Variants in CXCL11 observed in about 807,000 individuals in gnomAD.
CXCL11 encodes the protein C-X-C motif chemokine ligand 11, also known as C-X-C motif chemokine 11.
CXCL11 carries 7 observed loss-of-function variants against 9.7 expected under a neutral mutation model. The observed-to-expected ratio is 0.72, with a 90% CI of 0.41 to 1.36. The LOEUF (loss-of-function observed/expected upper bound fraction) is 1.36, where lower values mean the gene tolerates loss of function less well. CXCL11 is among the 40% of genes most tolerant of loss of function. The probability of loss-of-function intolerance (pLI) is 0.01; values close to 1 mark genes in which losing one functional copy is unlikely to be tolerated. For synonymous variants in CXCL11, 35 were observed against 34.4 expected (o/e 1.02, Z -0.06); for missense variants, 107 against 113.4 (o/e 0.94, Z 0.26).
intron 3 of CXCL11, 99 bp from the exon 4 acceptor site, chr4:76,034,915 A>G: frequency 2.2e-6 from 3 of 1,345,608 alleles, no homozygotes; most frequent in Non-Finnish European, 3.2e-6. Context: ...GTTACAACCA[A>G]GGACCCCTTA....
In CXCL11 at chr4:76,034,179, C is replaced by G; in HGVS notation, c.*614G>C. On this transcript the variant is annotated 3_prime_UTR_variant, in exon 4 of 4. Transcript: ENST00000306621. ...AACCAAATGATGCATAAGAATGTCT[C>G]CCTACATATTGATGTGCTACATGAT... is the stretch of plus-strand genomic sequence containing the variant. 2.9e-6 allele frequency: 1 copy of G among 345,942 alleles called. No individual in the cohort carries two copies. Among genetic ancestry groups the G allele is most frequent in the Non-Finnish European group, 5.2e-6 (1 of 193,870 alleles). 21.4% of individuals were successfully genotyped at this position (345,942 alleles called of 1,614,324 possible). A position where few individuals can be genotyped will look rare whatever the true frequency, so the allele number is the denominator to read the frequency against.
intron 1 of CXCL11, 26 bp downstream of exon 1, chr4:76,035,901 G>C (rs750416577): frequency 6.2e-7 from 1 of 1,601,182 alleles, no homozygotes; most frequent in Admixed American, 1.7e-5. Context: ...GAACTTATAG[G>C]TTGAGAAATA....
chr4:76,034,253 T>C lies in CXCL11; in HGVS notation c.*540A>G, dbSNP rs10017431. On this transcript the variant is annotated 3_prime_UTR_variant, in exon 4 of 4. Coordinates refer to ENST00000306621, the MANE Select transcript of CXCL11 (RefSeq NM_005409.5). ...TGCATGAAAAAATGTTTGAGGAATG[T>C]TTTACGACACATAGATGCTTTTGAC... 233,743 of 393,672 alleles carry C rather than the reference T, an allele frequency of 0.59. 72,588 individuals are homozygous for C. The highest frequency in any genetic ancestry group is 0.93 in the East Asian group (25,846 of 27,814). 24.4% of individuals were successfully genotyped at this position (393,672 alleles called of 1,614,324 possible). A position where few individuals can be genotyped will look rare whatever the true frequency, so the allele number is the denominator to read the frequency against.
In CXCL11 at chr4:76,035,315, C is replaced by T; in HGVS notation, c.89G>A (p.Cys30Tyr). ...QGFPMFKRGR[C>Y]LCIGPGVKAV... Reference sequence around the variant, plus strand: ...TTTTACCCCAGGGCCTATGCAAAGACAGCGTCCTCTTTTGAACATGGGGAA... The same window carrying T: ...TTTTACCCCAGGGCCTATGCAAAGATAGCGTCCTCTTTTGAACATGGGGAA... The change falls in exon 2 of 4, where the codon TGT (cysteine) becomes TAT (tyrosine). Residue 30 changes from cysteine to tyrosine, a missense_variant. Physicochemically the swap from Cys to Tyr is radical, Grantham distance 194. Coordinates refer to ENST00000306621, the MANE Select transcript of CXCL11 (RefSeq NM_005409.5). 1 of 1,614,030 alleles carries T rather than the reference C, an allele frequency of 6.2e-7. No homozygotes were observed.
intron 3 of CXCL11, 55 bp from the exon 4 acceptor site, chr4:76,034,871 G>T: frequency 6.7e-7 from 1 of 1,499,810 alleles, no homozygotes; most frequent in Non-Finnish European, 9.2e-7. Context: ...TTTCCCCCAG[G>T]ACATCTAAAA....
chr4:76,036,028 T>A lies in CXCL11; in HGVS notation c.-41A>T. 2 of 1,591,574 alleles carry A rather than the reference T, an allele frequency of 1.3e-6. No homozygotes were observed. Among genetic ancestry groups the A allele is most frequent in the Non-Finnish European group, 1.7e-6 (2 of 1,161,560 alleles). On this transcript the variant is annotated 5_prime_UTR_variant, in exon 1 of 4. It adds an upstream start codon to the 5' untranslated region. Coordinates refer to ENST00000306621, the MANE Select transcript of CXCL11 (RefSeq NM_005409.5). ...TTGCTGCTGGTGCTGCTGCTGCTACTTCAGCTTTGCTGCTCTTCTTGGAAG... is the reference window on the plus strand; with the variant it reads ...TTGCTGCTGGTGCTGCTGCTGCTACATCAGCTTTGCTGCTCTTCTTGGAAG...
Position 76,034,626 on chromosome 4 carries a change from C to T in CXCL11, c.*167G>A. Reference sequence around the variant, plus strand: ...ACTGTATTTCTGTTTTTGGTCCTTTCACCCACCTTTCATCCTTCACATAAC... The same window carrying T: ...ACTGTATTTCTGTTTTTGGTCCTTTTACCCACCTTTCATCCTTCACATAAC... On this transcript the variant is annotated 3_prime_UTR_variant, in exon 4 of 4. Coordinates refer to ENST00000306621, the MANE Select transcript of CXCL11 (RefSeq NM_005409.5). 1 of 646,032 alleles carries T rather than the reference C, an allele frequency of 1.5e-6. No homozygotes were observed. Among genetic ancestry groups the T allele is most frequent in the Non-Finnish European group, 2.7e-6 (1 of 372,018 alleles). The allele number at this position is 646,032 out of a possible 1,614,324, so 40.0% of individuals were successfully genotyped here.
intron 1 of CXCL11, among the ~76,000 whole-genome samples, chr4:76,035,548 A>G (rs1469836640): frequency 6.6e-6 from 1 of 152,250 alleles, no homozygotes; most frequent in Non-Finnish European, 1.5e-5. Flanking sequence ...TCGCTAACAA[A>G]TGGGAAGCAT....
intron 3 of CXCL11, 70 bp from the exon 4 acceptor site, chr4:76,034,886 G>T: frequency 7.0e-7 from 1 of 1,425,814 alleles, no homozygotes; most frequent in Non-Finnish European, 9.8e-7. Context: ...CTAAAAACAT[G>T]TAGTAAGAAG....
chr4:76,035,247 G>A lies in CXCL11; in HGVS notation c.157C>T (p.Pro53Ser). 6.2e-7 allele frequency: 1 copy of A among 1,613,992 alleles called. No individual in the cohort carries two copies. Among genetic ancestry groups the A allele is most frequent in the East Asian group, 2.2e-5 (1 of 44,860 alleles). ...TCTATTTTGTCACAGTTGTTACTTG[G>A]GTACATTATGGAGGCTTTCTCAATA... is the stretch of plus-strand genomic sequence containing the variant. The part of the protein sequence containing the change: ...ADIEKASIMY[P>S]SNNCDKIEVI... Residue 53 changes from proline to serine, a missense_variant, in exon 2 of 4, where the codon CCA becomes TCA. Coordinates refer to ENST00000306621, the MANE Select transcript of CXCL11 (RefSeq NM_005409.5).
chr4:76,034,479 G>A lies in CXCL11; in HGVS notation c.*314C>T, dbSNP rs1235966924. ...AATGTATAATGCAACAAGTAAGAAC[G>A]TGAAAGCACTTTGTAAACTCCGATG... On this transcript the variant is annotated 3_prime_UTR_variant, in exon 4 of 4. Transcript: ENST00000306621. The A allele has an allele frequency of 9.7e-6, 5 of 516,178 alleles. No individual in the cohort carries two copies. Among genetic ancestry groups the A allele is most frequent in the Admixed American group, 3.9e-5 (1 of 25,686 alleles). 32.0% of individuals were successfully genotyped at this position (516,178 alleles called of 1,614,324 possible).
At position 76,034,501 on chromosome 4, in the gene CXCL11, G is replaced by A. The variant is rs1178144380; in HGVS notation, c.*292C>T. On this transcript the variant is annotated 3_prime_UTR_variant, in exon 4 of 4. Coordinates refer to ENST00000306621, the MANE Select transcript of CXCL11 (RefSeq NM_005409.5). ...AACGTGAAAGCACTTTGTAAACTCC[G>A]ATGGTAACCAGCCTTTCTTAAGGTA... The A allele has an allele frequency of 1.7e-5, 9 of 517,084 alleles. No individual in the cohort carries two copies. Among genetic ancestry groups the A allele is most frequent in the Non-Finnish European group, 3.0e-5 (9 of 299,724 alleles). 32.0% of individuals were successfully genotyped at this position (517,084 alleles called of 1,614,324 possible). A position where few individuals can be genotyped will look rare whatever the true frequency, so the allele number is the denominator to read the frequency against.
chr4:76,034,633 C>T lies in CXCL11; in HGVS notation c.*160G>A, dbSNP rs1365594648. On this transcript the variant is annotated 3_prime_UTR_variant, in exon 4 of 4. Transcript: ENST00000306621. ...TTCTGTTTTTGGTCCTTTCACCCAC[C>T]TTTCATCCTTCACATAACTGTACAA... 3.8e-5 allele frequency: 25 copies of T among 665,146 alleles called. No individual in the cohort carries two copies. The highest frequency in any genetic ancestry group is 6.2e-5 in the Non-Finnish European group (24 of 384,710). The allele number at this position is 665,146 out of a possible 1,614,324, so 41.2% of individuals were successfully genotyped here. A position where few individuals can be genotyped will look rare whatever the true frequency, so the allele number is the denominator to read the frequency against.
At position 76,034,797 on chromosome 4, in the gene CXCL11, A is replaced by T; in HGVS notation, c.281T>A (p.Phe94Tyr). 1 of 1,549,336 alleles carries T rather than the reference A, an allele frequency of 6.5e-7. No individual in the cohort carries two copies. Among genetic ancestry groups the T allele is most frequent in the Non-Finnish European group, 8.9e-7 (1 of 1,126,354 alleles). Residue 94 changes from phenylalanine to tyrosine, a missense_variant, in exon 4 of 4, where the codon TTT becomes TAT. By Grantham distance (22) the Phe-to-Tyr change is conservative. Coordinates refer to ENST00000306621, the MANE Select transcript of CXCL11 (RefSeq NM_005409.5). ...LIIKKVERKN[F>Y] ...ACTTCATATGTTTTGATATTTTTAA[A>T]AATTCTTTCTTTCAACTTTCTGGAA... is the stretch of plus-strand genomic sequence containing the variant.
At chr4:76,034,976 A>G (rs1341135733) in intron 3 of CXCL11, 71 bp downstream of exon 3, 45 of 1,462,120 alleles carry the variant, frequency 3.1e-5, no homozygotes, top group Non-Finnish European at 4.0e-5. Context: ...AGTTGTCCAC[A>G]TTATTTTCTT....
chr4:76,035,743 A>G (rs1020114134), intron 1 of CXCL11, among the ~76,000 whole-genome samples, 184 bp downstream of exon 1: 1 of 152,254 alleles, frequency 6.6e-6, no homozygotes, highest in African/African-American at 2.4e-5. Flanking sequence ...CATAATTTCT[A>G]GTTTCAATAA....
chr4:76,034,668 G>C lies in CXCL11; in HGVS notation c.*125C>G, dbSNP rs1734183121. The C allele has an allele frequency of 1.2e-6, 1 of 811,186 alleles. No homozygotes were observed. 50.2% of individuals were successfully genotyped at this position (811,186 alleles called of 1,614,324 possible). ...TCACATAACTGTACAAAAGTTGAAA[G>C]TCACAAAACCATAGAAAAGTCTCAG... On this transcript the variant is annotated 3_prime_UTR_variant, in exon 4 of 4. Coordinates refer to ENST00000306621, the MANE Select transcript of CXCL11 (RefSeq NM_005409.5).
rs1374727676 is a variant in CXCL11, at chr4:76,035,260, G to C, written c.144C>G (p.Ala48=). The C allele has an allele frequency of 3.1e-6, 5 of 1,614,070 alleles. No individual in the cohort carries two copies. The highest frequency in any genetic ancestry group is 4.2e-6 in the Non-Finnish European group (5 of 1,179,958). Residue 48 remains alanine, a synonymous_variant, in exon 2 of 4, where the codon GCC becomes GCG. Coordinates refer to ENST00000306621, the MANE Select transcript of CXCL11 (RefSeq NM_005409.5). ...AGTTGTTACTTGGGTACATTATGGAGGCTTTCTCAATATCTGCCACTTTCA... is the reference window on the plus strand; with the variant it reads ...AGTTGTTACTTGGGTACATTATGGACGCTTTCTCAATATCTGCCACTTTCA... ...KAVKVADIEK[A]SIMYPSNNCD... is the part of the protein sequence containing the mutation.
At position 76,034,719 on chromosome 4, in the gene CXCL11, T is replaced by C; in HGVS notation, c.*74A>G. 9.0e-7 allele frequency: 1 copy of C among 1,106,826 alleles called. No homozygotes were observed. Among genetic ancestry groups the C allele is most frequent in the Non-Finnish European group, 1.3e-6 (1 of 745,378 alleles). 68.6% of individuals were successfully genotyped at this position (1,106,826 alleles called of 1,614,324 possible). ...TTTCCTACTGTAGAATTCTTGTCAT[T>C]TCAGTAGTCACAGTTAAACTTGTTC... On this transcript the variant is annotated 3_prime_UTR_variant, in exon 4 of 4. Coordinates refer to ENST00000306621, the MANE Select transcript of CXCL11 (RefSeq NM_005409.5).
Sources: allele counts gnomAD v4.1 joint callset (sites outside exome capture counted in the v4.1 genomes callset), GRCh38; gene constraint gnomAD v4.1.1; transcripts MANE v1.5; gene names NCBI Gene and HGNC (gene_info 2026-07-23, HGNC 2026-07-21).